The following FANCA variants were observed in gnomAD, a reference collection of about 807,000 sequenced individuals.
The protein encoded by FANCA is Fanconi anemia group A protein.
In FANCA, 236 loss-of-function variants were observed where a neutral mutation model predicts 194.3. The observed-to-expected ratio is 1.21, with a 90% CI of 1.09 to 1.35. The LOEUF (loss-of-function observed/expected upper bound fraction) is 1.35, where lower values mean the gene tolerates loss of function less well. Among genes scored for constraint, FANCA ranks in the 40% most tolerant of loss-of-function variants. The probability of loss-of-function intolerance (pLI) is 0.00; values close to 1 mark genes in which losing one functional copy is unlikely to be tolerated. For synonymous variants in FANCA, 1,014 were observed against 715.8 expected (o/e 1.42, Z -6.65); for missense variants, 2,628 against 1,813.9 (o/e 1.45, Z -8.15).
At position 89,737,777 on chromosome 16, in the gene FANCA, C is replaced by CCTGGACTCA; in HGVS notation, c.*815_*823dup. 1 of 1,614,000 alleles carries CCTGGACTCA rather than the reference C, an allele frequency of 6.2e-7. No individual in the cohort carries two copies. Among genetic ancestry groups the CCTGGACTCA allele is most frequent in the Non-Finnish European group, 8.5e-7 (1 of 1,179,988 alleles). On this transcript the variant is annotated 3_prime_UTR_variant, in exon 43 of 43. Coordinates refer to ENST00000389301, the MANE Select transcript of FANCA (RefSeq NM_000135.4). ...CCCCGGGAGGTTGGAGCATCAGGGG[C>CCTGGACTCA]CTGGACTCACTGGACTCTCCCCTCT...
At chr16:89,768,931 G>A (rs1018817491) in intron 26 of FANCA, among the ~76,000 whole-genome samples, 3 of 152,032 alleles carry the variant, frequency 2.0e-5, no homozygotes, top group African/African-American at 7.2e-5. Flanking sequence ...CAGTGTTTGG[G>A]GCCTGGGGTG....
chr16:89,791,816 C>T (rs1314464727), intron 13 of FANCA, 111 bp downstream of exon 13: 7 of 1,389,816 alleles, frequency 5.0e-6, no homozygotes, highest in Admixed American at 1.7e-5. Flanking sequence ...AGGTTCCGGG[C>T]AGGTAGGGAA....
intron 33 of FANCA, 86 bp from the exon 34 acceptor site, chr16:89,746,976 T>C: frequency 7.7e-7 from 1 of 1,300,190 alleles, no homozygotes; most frequent in East Asian, 2.5e-5. Context: ...GGATTCAGTT[T>C]TGAGAAAAAC....
intron 17 of FANCA, among the ~76,000 whole-genome samples, chr16:89,780,889 T>A (rs1361657148): frequency 6.7e-6 from 1 of 148,622 alleles, no homozygotes; most frequent in Non-Finnish European, 1.5e-5. Flanking sequence ...GTGATCACGG[T>A]ACTATACTTC....
At chr16:89,803,765 G>A (rs927169087) in intron 7 of FANCA, among the ~76,000 whole-genome samples, 1 of 151,934 alleles carries the variant, frequency 6.6e-6, no homozygotes, top group Non-Finnish European at 1.5e-5. Context: ...GGGAATATAG[G>A]CGCCGCCACC....
At position 89,742,811 on chromosome 16, in the gene FANCA, C is replaced by G. The variant is rs766875357; in HGVS notation, c.3754G>C (p.Glu1252Gln). The change falls in exon 37 of 43, where the codon GAG (glutamate) becomes CAG (glutamine). Residue 1252 changes from glutamate to glutamine, a missense_variant. Physicochemically the swap from Glu to Gln is conservative, Grantham distance 29. Transcript: ENST00000389301. ...IRKQLKKLDCEREELLVFLFF... is the reference protein window; with the variant it reads ...IRKQLKKLDCQREELLVFLFF... ...ATTTCCTATCTTGCCTCCTCTCTCT[C>G]GCAGTCCAGCTTCTTTAGCTGCTTC... 6.2e-7 allele frequency: 1 copy of G among 1,614,026 alleles called. No homozygotes were observed. The highest frequency in any genetic ancestry group is 1.3e-5 in the African/African-American group (1 of 74,914).
At chr16:89,751,611 G>A (rs541616521) in intron 31 of FANCA, among the ~76,000 whole-genome samples, 26 of 152,242 alleles carry the variant, frequency 1.7e-4, no homozygotes, top group African/African-American at 6.3e-4. Flanking sequence ...ACAGGGGCCT[G>A]GCACAGAAGA....
chr16:89,739,759 G>A (rs1431637465), intron 39 of FANCA: 3 of 1,482,214 alleles, frequency 2.0e-6, no homozygotes, highest in African/African-American at 1.4e-5. Flanking sequence ...GAGGGTGGGT[G>A]TGGTGCAGAG....
intron 12 of FANCA, 26 bp from the exon 13 acceptor site, chr16:89,792,094 C>G: frequency 6.2e-7 from 1 of 1,614,120 alleles, no homozygotes; most frequent in South Asian, 1.1e-5. Flanking sequence ...CCGCTCCCTT[C>G]AATATCCAAG....
At chr16:89,757,408 A>G (rs957692665) in intron 30 of FANCA, among the ~76,000 whole-genome samples, 16 of 152,208 alleles carry the variant, frequency 1.1e-4, no homozygotes, top group Admixed American at 7.9e-4. Flanking sequence ...TCAGTCAGCC[A>G]TAAGAAGGAA....
intron 29 of FANCA, among the ~76,000 whole-genome samples, chr16:89,760,133 G>A (rs927499636): frequency 6.6e-6 from 1 of 152,226 alleles, no homozygotes; most frequent in Non-Finnish European, 1.5e-5. Flanking sequence ...CAACTTCCAC[G>A]CAGCGGTGAC....
chr16:89,812,664 A>AC (rs1396168244), intron 3 of FANCA, among the ~76,000 whole-genome samples: 2 of 148,196 alleles, frequency 1.3e-5, no homozygotes, highest in African/African-American at 5.0e-5. Context: ...AAAAAAAAAA[A>AC]AAAAAACTGT....
At chr16:89,763,047 A>G (rs62054643) in intron 28 of FANCA, among the ~76,000 whole-genome samples, 9,037 of 151,562 alleles carry the variant, frequency 0.06, 413 homozygotes, top group East Asian at 0.23. Flanking sequence ...GGAGATTGAG[A>G]CCATCCTGGC....
chr16:89,737,923 C>T lies in FANCA; in HGVS notation c.*678G>A. ...CCTTTGCAGTAAGTGTGAGTCAGGA[C>T]CCCCTCCCAGGGCTGTGGCCCTCGC... On this transcript the variant is annotated 3_prime_UTR_variant, in exon 43 of 43. Transcript: ENST00000389301. 2.6e-6 allele frequency: 4 copies of T among 1,562,122 alleles called. No individual in the cohort carries two copies. The highest frequency in any genetic ancestry group is 1.1e-5 in the South Asian group (1 of 89,034).
At chr16:89,770,336 A>C in intron 24 of FANCA, 77 bp from the exon 25 acceptor site, 3 of 1,340,250 alleles carry the variant, frequency 2.2e-6, no homozygotes, top group Non-Finnish European at 2.1e-6. Flanking sequence ...TCCAACCACC[A>C]GCGGCCGAAG....
rs12933317 is a variant in FANCA, at chr16:89,761,812, A to G, written c.2852+137T>C. 49,985 of 734,830 alleles carry G rather than the reference A, an allele frequency of 0.068. 2,343 individuals carry two copies. The highest frequency in any genetic ancestry group is 0.16 in the East Asian group (6,468 of 40,056). The allele number at this position is 734,830 out of a possible 1,614,324, so 45.5% of individuals were successfully genotyped here. On this transcript the variant is annotated intron_variant, in intron 29 of 42. Transcript: ENST00000389301. ...TAATTTCTTTTCTATTTTTTGTAGA[A>G]ATGGAGTTTCCCCATGTTGCCCAGG...
In FANCA at chr16:89,749,797, C is replaced by T; in HGVS notation, c.3172G>A (p.Ala1058Thr). Residue 1058 changes from alanine (A) to threonine (T), a missense_variant, in exon 32 of 43, where the codon GCT (alanine) becomes ACT (threonine). Transcript: ENST00000389301. ...LFEIFRRRLQ[A>T]LTSGWSVAAS... ...GCCACGCTCCACCCGCTTGTCAGAG[C>T]CTGGAGCCGTCTGCGGAAAATCTCA... 6.2e-7 allele frequency: 1 copy of T among 1,614,238 alleles called. No individual in the cohort carries two copies.
intron 21 of FANCA, 150 bp from the exon 22 acceptor site, chr16:89,773,534 A>T: frequency 3.1e-6 from 2 of 654,702 alleles, no homozygotes; most frequent in Admixed American, 4.7e-5. Context: ...CTGAGGAGGT[A>T]AATGAGGTGT....
chr16:89,737,662 C>T lies in FANCA; in HGVS notation c.*939G>A, dbSNP rs1733514108. The T allele has an allele frequency of 6.7e-7, 1 of 1,484,142 alleles. No homozygotes were observed. The highest frequency in any genetic ancestry group is 9.0e-7 in the Non-Finnish European group (1 of 1,111,778). The allele number at this position is 1,484,142 out of a possible 1,614,324, so 91.9% of individuals were successfully genotyped here. ...TAAAGATCTTAATAAACGAGGCCCT[C>T]ATAGGCCCCTTGCTTGGGCCCACTG... On this transcript the variant is annotated 3_prime_UTR_variant, in exon 43 of 43. Coordinates refer to ENST00000389301, the MANE Select transcript of FANCA (RefSeq NM_000135.4).
Sources: gnomAD v4.1 joint callset for allele counts (sites outside exome capture counted in the v4.1 genomes callset) on GRCh38, gnomAD v4.1.1 for gene constraint, MANE v1.5 for transcripts, NCBI Gene and HGNC (gene_info 2026-07-23, HGNC 2026-07-21) for gene names.